Variants in GUCY1A2 observed in about 807,000 individuals in gnomAD.
The protein encoded by GUCY1A2 is guanylate cyclase 1 soluble subunit alpha 2, also known as guanylate cyclase soluble subunit alpha-2.
In GUCY1A2, 27 loss-of-function variants were observed where a neutral mutation model predicts 63.5. The ratio of observed to expected loss-of-function variants is 0.43; its 90% CI spans 0.31 to 0.59. The LOEUF is 0.59. GUCY1A2 is among the 20% of genes least tolerant of loss of function. The pLI, the probability that GUCY1A2 is intolerant of heterozygous loss-of-function variation, is 0.11. For missense variants in GUCY1A2, 768 were observed against 913.3 expected, an observed-to-expected ratio of 0.84 and a Z score of 2.05; for synonymous variants, 364 against 343.5, an observed-to-expected ratio of 1.06 and a Z score of -0.66.
At chr11:107,009,976 A>G (rs76056958) in intron 1 of GUCY1A2, among the ~76,000 whole-genome samples, 10,522 of 152,148 alleles carry the variant, frequency 0.069, 775 homozygotes, top group African/African-American at 0.19. Flanking sequence ...TGAGGATGAG[A>G]CCCAGGAATC....
At chr11:106,945,163 A>AG (rs569023149) in intron 3 of GUCY1A2, among the ~76,000 whole-genome samples, 27 of 151,892 alleles carry the variant, frequency 1.8e-4, no homozygotes, top group Middle Eastern at 3.4e-3. Flanking sequence ...AAAAAAAAAA[A>AG]AGAGAGAGAG....
chr11:106,995,843 C>T (rs930382578), intron 1 of GUCY1A2, among the ~76,000 whole-genome samples: 1 of 152,114 alleles, frequency 6.6e-6, no homozygotes, highest in Non-Finnish European at 1.5e-5. Context: ...TCATAGGTAC[C>T]CTACTGGATA....
At chr11:106,934,776 G>A (rs1860652819) in intron 4 of GUCY1A2, among the ~76,000 whole-genome samples, 2 of 152,146 alleles carry the variant, frequency 1.3e-5, no homozygotes, top group South Asian at 4.1e-4. Flanking sequence ...TCGCAGGGAT[G>A]ATGTATTTCA....
At chr11:106,818,133 T>C (rs1024031147) in intron 4 of GUCY1A2, among the ~76,000 whole-genome samples, 5 of 152,300 alleles carry the variant, frequency 3.3e-5, no homozygotes, top group East Asian at 1.9e-4. Flanking sequence ...GATTGTGGTA[T>C]ATACAAGCAT....
chr11:106,856,641 C>T (rs1859440209), intron 4 of GUCY1A2, among the ~76,000 whole-genome samples: 1 of 152,138 alleles, frequency 6.6e-6, no homozygotes, highest in Non-Finnish European at 1.5e-5. Context: ...ATTATCTCTG[C>T]AGACAGTCAA....
chr11:106,822,566 T>A (rs1311913861), intron 4 of GUCY1A2, among the ~76,000 whole-genome samples: 1 of 152,162 alleles, frequency 6.6e-6, no homozygotes, highest in South Asian at 2.1e-4. Flanking sequence ...CATCTTTGCA[T>A]CCATGTGTAC....
chr11:106,722,985 A>G (rs968332611), intron 6 of GUCY1A2, among the ~76,000 whole-genome samples: 16 of 152,238 alleles, frequency 1.1e-4, no homozygotes, highest in Admixed American at 9.8e-4. Context: ...ATTTATCACT[A>G]TTATTTATAT....
chr11:106,947,778 C>T (rs1860850337), intron 3 of GUCY1A2, among the ~76,000 whole-genome samples: 1 of 151,804 alleles, frequency 6.6e-6, no homozygotes, highest in African/African-American at 2.4e-5. Context: ...TAAAAAGGAG[C>T]CTGCATCATA....
chr11:106,864,672 T>C (rs1050597607), intron 4 of GUCY1A2, among the ~76,000 whole-genome samples: 1 of 152,178 alleles, frequency 6.6e-6, no homozygotes, highest in Non-Finnish European at 1.5e-5. Flanking sequence ...ATTGAGATAA[T>C]CATGTGGTTT....
intron 4 of GUCY1A2, among the ~76,000 whole-genome samples, chr11:106,862,702 C>T (rs910332856): frequency 5.3e-5 from 8 of 151,906 alleles, no homozygotes; most frequent in African/African-American, 1.7e-4. Context: ...CCTTCCCTGA[C>T]CAGAAACTGG....
chr11:106,760,471 A>T (rs1198459370), intron 6 of GUCY1A2, among the ~76,000 whole-genome samples: 1 of 152,224 alleles, frequency 6.6e-6, no homozygotes, highest in Non-Finnish European at 1.5e-5. Context: ...ATGTGAGCAT[A>T]TATTTTTTAT....
intron 4 of GUCY1A2, among the ~76,000 whole-genome samples, chr11:106,900,511 A>T (rs553278928): frequency 1.3e-5 from 2 of 152,358 alleles, no homozygotes; most frequent in African/African-American, 4.8e-5. Flanking sequence ...GGCCAATTTA[A>T]CGAAGTAAAC....
chr11:106,849,665 T>G (rs941704996), intron 4 of GUCY1A2, among the ~76,000 whole-genome samples: 6 of 151,610 alleles, frequency 4.0e-5, no homozygotes, highest in Admixed American at 3.9e-4. Context: ...TGTTTCATAA[T>G]GTTCCAAAGG....
intron 1 of GUCY1A2, among the ~76,000 whole-genome samples, chr11:107,012,101 A>G (rs1474831081): frequency 6.6e-6 from 1 of 152,176 alleles, no homozygotes; most frequent in South Asian, 2.1e-4. Context: ...TCATATTGCC[A>G]CACAGCAGTC....
At chr11:106,693,529 CT>C (rs1297474088) in intron 7 of GUCY1A2, among the ~76,000 whole-genome samples, 1 of 152,066 alleles carries the variant, frequency 6.6e-6, no homozygotes, top group Non-Finnish European at 1.5e-5. Context: ...CAAACTATGT[CT>C]TTCAGTTCTA....
At chr11:106,805,509 G>A (rs1244785104) in intron 5 of GUCY1A2, among the ~76,000 whole-genome samples, 1 of 152,298 alleles carries the variant, frequency 6.6e-6, no homozygotes, top group East Asian at 1.9e-4. Flanking sequence ...GCCTCCCAAA[G>A]TGCTGGGATT....
At chr11:106,757,803 T>A (rs2135389594) in intron 6 of GUCY1A2, among the ~76,000 whole-genome samples, 1 of 152,310 alleles carries the variant, frequency 6.6e-6, no homozygotes, top group African/African-American at 2.4e-5. Context: ...TACTGGGAGA[T>A]GTCTCCCAGT....
intron 3 of GUCY1A2, among the ~76,000 whole-genome samples, chr11:106,954,317 C>T (rs940226533): frequency 2.8e-4 from 43 of 152,054 alleles, no homozygotes; most frequent in African/African-American, 9.7e-4. Flanking sequence ...GAAATTGTGT[C>T]GTTTTGAGTG....
chr11:106,909,355 C>CTGTGTGTGTG (rs59067320), intron 4 of GUCY1A2, among the ~76,000 whole-genome samples: 8,143 of 119,912 alleles, frequency 0.068, 450 homozygotes, highest in East Asian at 0.11. Flanking sequence ...TGGTACTCAT[C>CTGTGTGTGTG]TGTGTGTGTG....
Sources: allele counts gnomAD v4.1 joint callset (sites outside exome capture counted in the v4.1 genomes callset), GRCh38; gene constraint gnomAD v4.1.1; transcripts MANE v1.5; gene names NCBI Gene and HGNC (gene_info 2026-07-23, HGNC 2026-07-21).